The following WSCD2 variants were observed in gnomAD, a reference collection of about 807,000 sequenced individuals.
WSCD2 encodes WSC domain sialate O sulfotransferase 2.
Under a neutral mutation model 55.7 loss-of-function variants are expected in WSCD2, and 28 were observed. The observed-to-expected ratio is 0.50, with a 90% CI of 0.37 to 0.69. The LOEUF (loss-of-function observed/expected upper bound fraction) is 0.69. Ranked by LOEUF, WSCD2 falls within the 30% of genes least tolerant of loss-of-function variation. The pLI, the probability that WSCD2 is intolerant of heterozygous loss-of-function variation, is 0.00. For missense variants in WSCD2, 616 were observed against 762.1 expected, an observed-to-expected ratio of 0.81 and a Z score of 2.26; for synonymous variants, 301 against 301.9, an observed-to-expected ratio of 1.00 and a Z score of 0.03.
At chr12:108,142,265 G>A (rs1373308663) in intron 1 of WSCD2, among the ~76,000 whole-genome samples, 3 of 152,020 alleles carry the variant, frequency 2.0e-5, no homozygotes, top group Non-Finnish European at 4.4e-5. Flanking sequence ...TCTTCTTATG[G>A]CATCTGAACT....
Position 108,219,562 on chromosome 12 carries a change from T to G in WSCD2, c.683-5177T>G, listed in dbSNP as rs545285473. Reference sequence around the variant, plus strand: ...ACAACTGCCCTCACACAGCCTCTCCTGCCCCCATTAATGCACAGACACACA... The same window carrying G: ...ACAACTGCCCTCACACAGCCTCTCCGGCCCCCATTAATGCACAGACACACA... On this transcript the variant is annotated intron_variant, in intron 4 of 8. Coordinates refer to ENST00000547525, the MANE Select transcript of WSCD2 (RefSeq NM_014653.4). Among the ~76,000 whole-genome samples, 6 of 152,246 alleles carry G rather than the reference T, an allele frequency of 3.9e-5. No individual in the cohort carries two copies. The East Asian group carries it at 1.2e-3, about 29-fold the overall frequency.
intron 1 of WSCD2, among the ~76,000 whole-genome samples, chr12:108,146,977 G>T (rs918751793): frequency 6.6e-6 from 1 of 152,182 alleles, no homozygotes. Context: ...TTATTAAACA[G>T]ATAGTAATTG....
At chr12:108,227,742 ATGATGATGATGG>A (rs1888277871) in intron 6 of WSCD2, among the ~76,000 whole-genome samples, 2 of 151,876 alleles carry the variant, frequency 1.3e-5, no homozygotes, top group South Asian at 4.2e-4. Context: ...GATGATGATG[ATGATGATGATGG>A]TGATGATTAT....
chr12:108,197,292 T>C (rs1410854011), intron 2 of WSCD2: 1 of 152,192 alleles, frequency 6.6e-6, no homozygotes, highest in East Asian at 1.9e-4. Flanking sequence ...TGGAACACAT[T>C]CTCCTGCCCC....
At chr12:108,132,882 T>C (rs1875749554) in intron 1 of WSCD2, among the ~76,000 whole-genome samples, 1 of 152,184 alleles carries the variant, frequency 6.6e-6, no homozygotes, top group African/African-American at 2.4e-5. Flanking sequence ...TAATGTACCT[T>C]TGTGTGTGCC....
At chr12:108,154,116 T>C (rs1430647426) in intron 1 of WSCD2, among the ~76,000 whole-genome samples, 2 of 151,992 alleles carry the variant, frequency 1.3e-5, no homozygotes, top group African/African-American at 2.4e-5. Flanking sequence ...GTCCTCAGAG[T>C]GGGTAGATGG....
At chr12:108,203,250 G>A (rs1412373152) in intron 2 of WSCD2, among the ~76,000 whole-genome samples, 1 of 152,176 alleles carries the variant, frequency 6.6e-6, no homozygotes, top group Admixed American at 6.5e-5. Context: ...TACAGCAGTG[G>A]CTCTGCTGGA....
intron 4 of WSCD2, among the ~76,000 whole-genome samples, chr12:108,219,374 G>A (rs11113776): frequency 0.45 from 67,910 of 152,010 alleles, 16,352 homozygotes; most frequent in East Asian, 0.59. Flanking sequence ...CCAGACAGGT[G>A]GATCTGCACT....
intron 1 of WSCD2, among the ~76,000 whole-genome samples, chr12:108,132,682 C>T (rs555265584): frequency 2.6e-5 from 4 of 152,248 alleles, no homozygotes; most frequent in African/African-American, 9.6e-5. Flanking sequence ...CGTGTGTGCT[C>T]TAGGGGATCT....
At chr12:108,234,293 A>T (rs1210313664) in intron 7 of WSCD2, among the ~76,000 whole-genome samples, 3 of 152,182 alleles carry the variant, frequency 2.0e-5, no homozygotes, top group Non-Finnish European at 4.4e-5. Flanking sequence ...GTGCTGATAG[A>T]GAGTCATCCG....
At chr12:108,144,498 ATTCAGCTGTCGTCC>A in intron 1 of WSCD2, among the ~76,000 whole-genome samples, 1 of 152,182 alleles carries the variant, frequency 6.6e-6, no homozygotes, top group South Asian at 2.1e-4. Context: ...TGAGAAGGTA[ATTCAGCTGTCGTCC>A]TTATGTGTGC....
chr12:108,218,816 G>C (rs935897332), intron 4 of WSCD2, among the ~76,000 whole-genome samples: 2 of 152,164 alleles, frequency 1.3e-5, no homozygotes, highest in African/African-American at 4.8e-5. Context: ...ACAGACACCA[G>C]CAGTGTCCCT....
intron 4 of WSCD2, among the ~76,000 whole-genome samples, chr12:108,213,556 G>C (rs904242281): frequency 6.6e-6 from 1 of 152,124 alleles, no homozygotes; most frequent in Admixed American, 6.5e-5. Context: ...ACAAAGAAGG[G>C]GGCAGCTCGA....
chr12:108,239,729 T>G (rs1368554816), intron 7 of WSCD2, among the ~76,000 whole-genome samples: 1 of 152,078 alleles, frequency 6.6e-6, no homozygotes, highest in Non-Finnish European at 1.5e-5. Flanking sequence ...TCTTTTTTTG[T>G]CAAGAGACAG....
chr12:108,146,420 C>A (rs1877399466), intron 1 of WSCD2, among the ~76,000 whole-genome samples: 1 of 152,216 alleles, frequency 6.6e-6, no homozygotes, highest in Admixed American at 6.5e-5. Flanking sequence ...GGCACAGAGG[C>A]CACCTGCCTG....
intron 3 of WSCD2, among the ~76,000 whole-genome samples, chr12:108,208,458 G>A (rs913197056): frequency 3.3e-5 from 5 of 152,212 alleles, no homozygotes; most frequent in African/African-American, 9.6e-5. Context: ...AGATGGAAGG[G>A]ATGGAGGGCT....
chr12:108,175,931 C>G (rs1880796266), intron 1 of WSCD2, among the ~76,000 whole-genome samples: 1 of 152,178 alleles, frequency 6.6e-6, no homozygotes, highest in Non-Finnish European at 1.5e-5. Context: ...GCTCCGCCTC[C>G]TGGGTTCATG....
intron 2 of WSCD2, among the ~76,000 whole-genome samples, chr12:108,202,218 G>A (rs572311967): frequency 2.0e-5 from 3 of 152,306 alleles, no homozygotes; most frequent in South Asian, 4.1e-4. Context: ...CCAAAGGTCC[G>A]TGGGAAAGGG....
intron 4 of WSCD2, among the ~76,000 whole-genome samples, chr12:108,220,990 C>T (rs972569929): frequency 1.3e-5 from 2 of 152,196 alleles, no homozygotes; most frequent in Non-Finnish European, 2.9e-5. Flanking sequence ...TCAGCCTCCT[C>T]AGTTTTCTCA....
Sources: gnomAD v4.1 joint callset for allele counts (sites outside exome capture counted in the v4.1 genomes callset) on GRCh38, gnomAD v4.1.1 for gene constraint, MANE v1.5 for transcripts, NCBI Gene and HGNC (gene_info 2026-07-23, HGNC 2026-07-21) for gene names.